The following PACS2 variants were observed in gnomAD, a reference collection of about 807,000 sequenced individuals.
PACS2 encodes phosphofurin acidic cluster sorting protein 2, also known as PACS1-like protein.
In PACS2, 36 loss-of-function variants were observed where a neutral mutation model predicts 113.0. That is an observed-to-expected ratio of 0.32 (90% CI 0.24 to 0.42). The LOEUF (loss-of-function observed/expected upper bound fraction) is 0.42, where lower values mean the gene tolerates loss of function less well. PACS2 is among the 10% of genes least tolerant of loss of function. PACS2 has a pLI of 1.00. For missense variants in PACS2, 1,015 were observed against 1,239.5 expected, an observed-to-expected ratio of 0.82 and a Z score of 2.72; for synonymous variants, 589 against 536.1, an observed-to-expected ratio of 1.10 and a Z score of -1.36.
At chr14:105,371,598 G>C (rs1555409405) in intron 8 of PACS2, 1 of 152,142 alleles carries the variant, frequency 6.6e-6, no homozygotes, top group African/African-American at 2.4e-5. Context: ...TTCCTGAAAA[G>C]ACCAGACCAT....
In PACS2 at chr14:105,397,640, G is replaced by A. The variant is rs1001759610; in HGVS notation, c.*2968G>A. 1.3e-5 allele frequency: 2 copies of A among 152,684 alleles called. No homozygotes were observed. The highest frequency in any genetic ancestry group is 4.8e-5 in the African/African-American group (2 of 41,476). 9.5% of individuals were successfully genotyped at this position (152,684 alleles called of 1,614,324 possible). On this transcript the variant is annotated 3_prime_UTR_variant, in exon 25 of 25. Coordinates refer to ENST00000447393, the MANE Select transcript of PACS2 (RefSeq NM_001100913.3). ...ACTGTCTCTGGGCATGCAAGCCAGT[G>A]TCCTGGTTCAGTGCCTCGGCCAGAG...
At chr14:105,382,691 G>T in intron 14 of PACS2, 110 bp downstream of exon 14, 1 of 951,708 alleles carries the variant, frequency 1.1e-6, no homozygotes, top group Non-Finnish European at 1.7e-6. Flanking sequence ...TGCTGGCTGT[G>T]GTTTGCCTGG....
intron 18 of PACS2, 60 bp from the exon 19 acceptor site, chr14:105,385,624 TG>T: frequency 8.0e-7 from 1 of 1,257,594 alleles, no homozygotes; most frequent in Non-Finnish European, 1.1e-6. Flanking sequence ...CGGCGGTCCC[TG>T]GAGGGGTCCT....
chr14:105,346,271 C>A (rs1214870427), intron 1 of PACS2, among the ~76,000 whole-genome samples: 2 of 152,166 alleles, frequency 1.3e-5, no homozygotes, highest in Non-Finnish European at 2.9e-5. Context: ...AAAGCAGACT[C>A]ATTTCCGGGT....
chr14:105,359,626 C>G (rs1183154061), intron 4 of PACS2, among the ~76,000 whole-genome samples: 11 of 128,916 alleles, frequency 8.5e-5, no homozygotes, highest in Non-Finnish European at 1.6e-4. Flanking sequence ...GAATCTCGCT[C>G]TGTCGCCCAG....
At chr14:105,380,519 G>T (rs1257444343) in intron 11 of PACS2, among the ~76,000 whole-genome samples, 1 of 148,036 alleles carries the variant, frequency 6.8e-6, no homozygotes, top group Admixed American at 6.7e-5. Context: ...CAGGGTCAGG[G>T]CCCCTGGACT....
At chr14:105,308,522 G>A (rs1238217190) in intron 1 of PACS2, among the ~76,000 whole-genome samples, 8 of 141,736 alleles carry the variant, frequency 5.6e-5, no homozygotes, top group African/African-American at 1.9e-4. Flanking sequence ...TTGCTCTGTC[G>A]TCCGGGCTGG....
chr14:105,335,347 G>GGC (rs1450059339), intron 1 of PACS2, among the ~76,000 whole-genome samples: 3 of 151,132 alleles, frequency 2.0e-5, no homozygotes, highest in Non-Finnish European at 2.9e-5. Context: ...GCCGGCGCCT[G>GGC]GCGTGGCTGT....
intron 1 of PACS2, among the ~76,000 whole-genome samples, chr14:105,347,615 AG>A (rs1262571673): frequency 6.6e-6 from 1 of 152,210 alleles, no homozygotes; most frequent in African/African-American, 2.4e-5. Context: ...GAAGCCGGGC[AG>A]GGCAGACAGT....
chr14:105,358,114 G>C lies in PACS2; in HGVS notation c.423+2937G>C, dbSNP rs587714914. ...CAGCCTGGGCCCCTGCCACACCATA[G>C]CTCTGCCCTCACCTGGCACTCATTC... is the stretch of plus-strand genomic sequence containing the variant. On this transcript the variant is annotated intron_variant, in intron 4 of 24. Transcript: ENST00000447393. This position sits in a 1 kb window ranked among gnomAD's most constrained non-coding sequence, Gnocchi z 4.9. Among the ~76,000 whole-genome samples, 2 of 152,348 alleles carry C rather than the reference G, an allele frequency of 1.3e-5. No individual in the cohort carries two copies. The highest frequency in any genetic ancestry group is 4.1e-4 in the South Asian group (2 of 4,830).
chr14:105,374,116 T>C (rs912914933), intron 8 of PACS2, among the ~76,000 whole-genome samples: 19 of 151,168 alleles, frequency 1.3e-4, no homozygotes, highest in African/African-American at 4.6e-4. Flanking sequence ...CATTGCATCA[T>C]TGCACTCCAG....
intron 21 of PACS2, 119 bp from the exon 22 acceptor site, chr14:105,391,512 T>TTCCCCCCCCCCCCCCCCC: frequency 4.9e-6 from 3 of 611,320 alleles, no homozygotes; most frequent in Non-Finnish European, 8.7e-6. Flanking sequence ...CACTGGGGAC[T>TTCCCCCCCCCCCCCCCCC]CCCACCCTGC....
chr14:105,327,056 G>T (rs2059138787), intron 1 of PACS2, among the ~76,000 whole-genome samples: 2 of 152,240 alleles, frequency 1.3e-5, no homozygotes, highest in South Asian at 4.1e-4. Flanking sequence ...AAACGGAGCT[G>T]AGCGTGGCTT....
intron 1 of PACS2, among the ~76,000 whole-genome samples, chr14:105,321,514 C>T (rs1223113853): frequency 6.6e-6 from 1 of 151,996 alleles, no homozygotes; most frequent in African/African-American, 2.4e-5. Context: ...AGGTGTGCAC[C>T]ACCACACCTG....
rs587654016 is a variant in PACS2 at position 105,315,845 on chromosome 14, C to G, written c.119+808C>G. Among the ~76,000 whole-genome samples, 1 of 152,200 alleles carries G rather than the reference C, an allele frequency of 6.6e-6. No homozygotes were observed. The highest frequency in any genetic ancestry group is 1.5e-5 in the Non-Finnish European group (1 of 68,026). On this transcript the variant is annotated intron_variant, in intron 1 of 24. Transcript: ENST00000447393. The surrounding 1 kb of genome is among the most constrained non-coding windows in gnomAD (Gnocchi z 4.4). Reference sequence around the variant, plus strand: ...AGGCTAAGGAGGAGAGAGACACGCTCTCCGGAAAAGTTCTGGTTCTAGAAT... The same window carrying G: ...AGGCTAAGGAGGAGAGAGACACGCTGTCCGGAAAAGTTCTGGTTCTAGAAT...
rs1213009706 is a variant in PACS2, at chr14:105,323,036, C to T, written c.119+7999C>T. ...TTCCAGCTTTGCTGTAAGAGGTCAGCGGCCGTGACAGGCTGGAGGGAGACG... is the reference window on the plus strand; with the variant it reads ...TTCCAGCTTTGCTGTAAGAGGTCAGTGGCCGTGACAGGCTGGAGGGAGACG... On this transcript the variant is annotated intron_variant, in intron 1 of 24. Transcript: ENST00000447393. This position sits in a 1 kb window ranked among gnomAD's most constrained non-coding sequence, Gnocchi z 4.1. Among the ~76,000 whole-genome samples the T allele has an allele frequency of 3.3e-5, 5 of 152,206 alleles. No individual in the cohort carries two copies. The East Asian group carries it at 7.7e-4, about 23-fold the overall frequency.
rs892442026 is a variant in PACS2 at position 105,358,678 on chromosome 14, G to A, written c.423+3501G>A. On this transcript the variant is annotated intron_variant, in intron 4 of 24. Coordinates refer to ENST00000447393, the MANE Select transcript of PACS2 (RefSeq NM_001100913.3). The surrounding 1 kb of genome is among the most constrained non-coding windows in gnomAD (Gnocchi z 4.9). ...GAGTGCGGTGGTGGCTGAGGGAGCA[G>A]CCATGCTTCTTTGCACAGCCGGACT... is the stretch of plus-strand genomic sequence containing the variant. 5.9e-5 allele frequency among the ~76,000 whole-genome samples: 9 copies of A among 152,156 alleles called. No individual in the cohort carries two copies. The highest frequency in any genetic ancestry group is 4.1e-4 in the South Asian group (2 of 4,826).
Position 105,376,982 on chromosome 14 carries a change from C to G in PACS2, c.959+57C>G, listed in dbSNP as rs2080807037. The G allele has an allele frequency of 1.3e-6, 2 of 1,508,880 alleles. No individual in the cohort carries two copies. The highest frequency in any genetic ancestry group is 1.8e-6 in the Non-Finnish European group (2 of 1,118,138). 93.5% of individuals were successfully genotyped at this position (1,508,880 alleles called of 1,614,324 possible). A position where few individuals can be genotyped will look rare whatever the true frequency, so the allele number is the denominator to read the frequency against. On this transcript the variant is annotated intron_variant, in intron 9 of 24. Transcript: ENST00000447393. This position sits in a 1 kb window ranked among gnomAD's most constrained non-coding sequence, Gnocchi z 4.7. ...AGCCATTTCAGATGCCCCGGCCACT[C>G]TGCGACCACTCTGGCAGACCCATGT... is the stretch of plus-strand genomic sequence containing the variant.
intron 1 of PACS2, among the ~76,000 whole-genome samples, chr14:105,305,941 T>C (rs2058174222): frequency 6.6e-6 from 1 of 152,188 alleles, no homozygotes; most frequent in African/African-American, 2.4e-5. Context: ...CGTGCAGTGA[T>C]CTCCGCTCTG....
Sources: allele counts gnomAD v4.1 joint callset (sites outside exome capture counted in the v4.1 genomes callset), GRCh38; gene constraint gnomAD v4.1.1; non-coding constraint Gnocchi (gnomAD v3.1); transcripts MANE v1.5; gene names NCBI Gene and HGNC (gene_info 2026-07-23, HGNC 2026-07-21).